The following HDAC4 variants were observed in gnomAD, a reference collection of about 807,000 sequenced individuals.
The protein encoded by HDAC4 is histone deacetylase A.
A neutral mutation model predicts 135.1 loss-of-function variants in HDAC4; 16 were observed. The ratio of observed to expected loss-of-function variants is 0.12; its 90% CI spans 0.08 to 0.18. HDAC4 has a LOEUF of 0.18. Ranked by LOEUF, HDAC4 falls within the 10% of genes least tolerant of loss-of-function variation. HDAC4 has a pLI of 1.00. For missense variants in HDAC4, 1,143 were observed against 1,511.8 expected (o/e 0.76, Z 4.05); for synonymous variants, 685 against 653.4 (o/e 1.05, Z -0.74).
At position 239,292,856 on chromosome 2, in the gene HDAC4, C is replaced by G. The variant is rs144284982; in HGVS notation, c.23-56192G>C. Reference sequence around the variant, plus strand: ...AACAGAAATTACAAGAGACTAAAAGCTGGGTGGAAACAGGTATGCAACAGC... The same window carrying G: ...AACAGAAATTACAAGAGACTAAAAGGTGGGTGGAAACAGGTATGCAACAGC... On this transcript the variant is annotated intron_variant, in intron 2 of 26. Coordinates refer to ENST00000543185, the MANE Select transcript of HDAC4 (RefSeq NM_001378414.1). 9.8e-4 allele frequency among the ~76,000 whole-genome samples: 150 copies of G among 152,288 alleles called. 2 individuals carry two copies. Among genetic ancestry groups the G allele is most frequent in the African/African-American group, 3.6e-3 (149 of 41,556 alleles).
chr2:239,208,741 T>C (rs2046204554), intron 3 of HDAC4, among the ~76,000 whole-genome samples: 1 of 151,004 alleles, frequency 6.6e-6, no homozygotes, highest in Non-Finnish European at 1.5e-5. Flanking sequence ...AAGATCAACA[T>C]AGAAATCCAA....
intron 7 of HDAC4, 104 bp from the exon 8 acceptor site, chr2:239,144,818 G>T: frequency 1.7e-6 from 2 of 1,196,788 alleles, no homozygotes; most frequent in Non-Finnish European, 2.5e-6. Context: ...GTAAATATTT[G>T]CTCAACACTG....
intron 22 of HDAC4, among the ~76,000 whole-genome samples, chr2:239,072,488 G>A (rs1046106927): frequency 1.1e-4 from 16 of 152,152 alleles, no homozygotes; most frequent in African/African-American, 3.4e-4. Flanking sequence ...GTCCTGCACC[G>A]AAGCACACTT....
At chr2:239,163,054 C>T (rs1324514752) in intron 6 of HDAC4, among the ~76,000 whole-genome samples, 1 of 150,714 alleles carries the variant, frequency 6.6e-6, no homozygotes, top group Admixed American at 6.6e-5. Flanking sequence ...AGCCGCATCA[C>T]CTCGCCACTC....
intron 1 of HDAC4, among the ~76,000 whole-genome samples, chr2:239,361,141 C>CG (rs1559384481): frequency 3.9e-5 from 6 of 152,090 alleles, no homozygotes; most frequent in African/African-American, 1.4e-4. Context: ...CATTATCTGT[C>CG]GGCCCCTCTG....
chr2:239,396,481 T>C (rs1459707164), intron 1 of HDAC4, among the ~76,000 whole-genome samples: 1 of 152,200 alleles, frequency 6.6e-6, no homozygotes, highest in African/African-American at 2.4e-5. Context: ...GCCAATATGA[T>C]AGGCATAAAG....
intron 16 of HDAC4, 34 bp downstream of exon 16, chr2:239,102,742 C>T: frequency 6.2e-7 from 1 of 1,613,154 alleles, no homozygotes; most frequent in South Asian, 1.1e-5. Flanking sequence ...GGACTTCAAA[C>T]CCAATATGGG....
At chr2:239,213,831 CCAT>C (rs1291809514) in intron 3 of HDAC4, among the ~76,000 whole-genome samples, 2 of 152,258 alleles carry the variant, frequency 1.3e-5, no homozygotes, top group African/African-American at 4.8e-5. Flanking sequence ...GGCCTGCCCT[CCAT>C]GAGTACACAG....
intron 1 of HDAC4, among the ~76,000 whole-genome samples, chr2:239,353,412 C>T (rs1049256695): frequency 1.3e-5 from 2 of 152,206 alleles, no homozygotes; most frequent in African/African-American, 4.8e-5. Context: ...GTTAGTAAAT[C>T]ACAGACATGT....
rs1197872842 is a variant in HDAC4 at position 239,308,062 on chromosome 2, AC to A, written c.22+44615del. ...CCAAGGATGGCCCATCCCACCCCCA[AC>A]GGTGAGAGCCGGGCCCATCACAAGC... is the stretch of plus-strand genomic sequence containing the variant. On this transcript the variant is annotated intron_variant, in intron 2 of 26. Transcript: ENST00000543185. This position sits in a 1 kb window ranked among gnomAD's most constrained non-coding sequence, Gnocchi z 4.2. 6.6e-6 allele frequency among the ~76,000 whole-genome samples: 1 copy of A among 151,900 alleles called. No individual in the cohort carries two copies. Among genetic ancestry groups the A allele is most frequent in the Non-Finnish European group, 1.5e-5 (1 of 67,970 alleles).
intron 1 of HDAC4, among the ~76,000 whole-genome samples, chr2:239,387,434 T>C (rs1346489355): frequency 6.6e-6 from 1 of 152,094 alleles, no homozygotes; most frequent in East Asian, 1.9e-4. Flanking sequence ...CCCCTTACTT[T>C]ACAAAACCCC....
In HDAC4 at chr2:239,349,233, G is replaced by A. The variant is rs967799344; in HGVS notation, c.22+3445C>T. ...AGGGCCAGCTAGCAGAGGACGGCAC[G>A]AGAGACACACGGAGGGAGGGGAGGT... is the stretch of plus-strand genomic sequence containing the variant. On this transcript the variant is annotated intron_variant, in intron 2 of 26. Coordinates refer to ENST00000543185, the MANE Select transcript of HDAC4 (RefSeq NM_001378414.1). The surrounding 1 kb of genome is among the most constrained non-coding windows in gnomAD (Gnocchi z 5.7). Among the ~76,000 whole-genome samples the A allele has an allele frequency of 3.9e-5, 6 of 152,148 alleles. No homozygotes were observed. The highest frequency in any genetic ancestry group is 1.4e-4 in the African/African-American group (6 of 41,444).
chr2:239,211,905 G>A (rs562548126), intron 3 of HDAC4, among the ~76,000 whole-genome samples: 3 of 152,302 alleles, frequency 2.0e-5, no homozygotes, highest in East Asian at 1.9e-4. Flanking sequence ...GAGCTTCCTC[G>A]AGAGCAGTCC....
intron 3 of HDAC4, among the ~76,000 whole-genome samples, chr2:239,205,951 C>T (rs1022333038): frequency 6.6e-6 from 1 of 152,140 alleles, no homozygotes; most frequent in Non-Finnish European, 1.5e-5. Context: ...TAAAGCACAT[C>T]ACCTCCAAAG....
intron 5 of HDAC4, among the ~76,000 whole-genome samples, chr2:239,175,433 G>C (rs1184064231): frequency 6.6e-6 from 1 of 152,234 alleles, no homozygotes; most frequent in South Asian, 2.1e-4. Flanking sequence ...ACAGTCAGCA[G>C]GGGCGACACT....
rs769358531 is a variant in HDAC4, at chr2:239,318,713, TA to T, written c.22+33964del. Reference sequence around the variant, plus strand: ...AAAAAAAAAAAAGGATGCATATCAATAAACAGTAATTCTTTGGACTATTTTT... The same window carrying T: ...AAAAAAAAAAAAGGATGCATATCAATAACAGTAATTCTTTGGACTATTTTT... On this transcript the variant is annotated intron_variant, in intron 2 of 26. Coordinates refer to ENST00000543185, the MANE Select transcript of HDAC4 (RefSeq NM_001378414.1). Among the ~76,000 whole-genome samples the T allele has an allele frequency of 1.2e-4, 18 of 148,620 alleles. No homozygotes were observed. In the East Asian group the frequency reaches 1.4e-3, roughly 11 times the overall value.
chr2:239,082,181 C>T lies in HDAC4; in HGVS notation c.2573G>A (p.Ser858Asn), dbSNP rs572125065. 6.2e-7 allele frequency: 1 copy of T among 1,614,186 alleles called. No homozygotes were observed. The highest frequency in any genetic ancestry group is 1.3e-5 in the African/African-American group (1 of 75,048). ...GGACATGTACAGGACGCTGGGGTCGCTGTAGAAAGCCTGCTGGGTCCCGTT... is the reference window on the plus strand; with the variant it reads ...GGACATGTACAGGACGCTGGGGTCGTTGTAGAAAGCCTGCTGGGTCCCGTT... ...HGNGTQQAFY[S>N]DPSVLYMSLH... The change falls in exon 21 of 27, where the codon AGC becomes AAC. Residue 858 changes from serine (S) to asparagine (N), a missense_variant. Ser to Asn is a conservative substitution (Grantham distance 46, BLOSUM62 1). Transcript: ENST00000543185.
At chr2:239,286,534 G>A (rs924268626) in intron 2 of HDAC4, among the ~76,000 whole-genome samples, 5 of 152,160 alleles carry the variant, frequency 3.3e-5, no homozygotes, top group African/African-American at 1.2e-4. Flanking sequence ...AGGAAGGGAA[G>A]GAAGGGAAGG....
At chr2:239,343,549 T>C (rs563701269) in intron 2 of HDAC4, among the ~76,000 whole-genome samples, 92 of 152,358 alleles carry the variant, frequency 6.0e-4, no homozygotes, top group African/African-American at 2.2e-3. Context: ...CCAACCCTCC[T>C]CACAAGGCTG....
Sources: allele counts gnomAD v4.1 joint callset (sites outside exome capture counted in the v4.1 genomes callset), GRCh38; gene constraint gnomAD v4.1.1; non-coding constraint Gnocchi (gnomAD v3.1); transcripts MANE v1.5; gene names NCBI Gene and HGNC (gene_info 2026-07-23, HGNC 2026-07-21).